CCR9: variants seen among roughly 807,000 people sequenced by gnomAD.
CCR9 encodes the protein C-C motif chemokine receptor 9, also known as C-C chemokine receptor type 9.
In CCR9, 4 loss-of-function variants were observed where a neutral mutation model predicts 8.7. The ratio of observed to expected loss-of-function variants is 0.46; its 90% CI spans 0.23 to 1.06. The LOEUF is 1.06. Ranked by LOEUF, CCR9 falls within the 50% of genes least tolerant of loss-of-function variation. CCR9 has a pLI of 0.21. For missense variants in CCR9, 394 were observed against 453.6 expected, an observed-to-expected ratio of 0.87 and a Z score of 1.19; for synonymous variants, 159 against 168.8, an observed-to-expected ratio of 0.94 and a Z score of 0.45.
At position 45,901,659 on chromosome 3, in the gene CCR9, G is replaced by A. The variant is rs201135152; in HGVS notation, c.871G>A (p.Val291Ile). 80 of 1,613,780 alleles carry A rather than the reference G, an allele frequency of 5.0e-5. No homozygotes were observed. The highest frequency in any genetic ancestry group is 1.9e-4 in the African/African-American group (14 of 74,914). Residue 291 changes from valine to isoleucine, a missense_variant, in exon 3 of 3, where the codon GTT becomes ATT. Val to Ile is a conservative substitution (Grantham distance 29). Transcript: ENST00000357632. The surrounding 1 kb of genome is among the most constrained non-coding windows in gnomAD (Gnocchi z 4.3). ...TGCCATGTTCATCTCCAACTGTGCC[G>A]TTTCCACCAACATTGACATCTGCTT... ...AYAMFISNCA[V>I]STNIDICFQV...
Position 45,890,345 on chromosome 3 carries a change from TATAAC to T in CCR9, c.-29+3694_-29+3698del, listed in dbSNP as rs1163853050. 2.7e-5 allele frequency among the ~76,000 whole-genome samples: 2 copies of T among 74,876 alleles called. 1 individual carries two copies. Among genetic ancestry groups the T allele is most frequent in the Non-Finnish European group, 4.2e-5 (2 of 47,916 alleles). 49.1% of individuals were successfully genotyped at this position (74,876 alleles called of 152,430 possible). A position where few individuals can be genotyped will look rare whatever the true frequency, so the allele number is the denominator to read the frequency against. ...TATAAATATATATATAACATATATA[TATAAC>T]ATATATATATATATAACATATATAA... On this transcript the variant is annotated intron_variant, in intron 1 of 2. Transcript: ENST00000357632.
At chr3:45,895,485 C>T (rs948786882) in intron 2 of CCR9, among the ~76,000 whole-genome samples, 3 of 152,110 alleles carry the variant, frequency 2.0e-5, no homozygotes, top group Admixed American at 6.5e-5. Context: ...CAGAGGCGGG[C>T]GGATCACCTG....
At chr3:45,892,516 A>G (rs1056292115) in intron 1 of CCR9, among the ~76,000 whole-genome samples, 1 of 152,158 alleles carries the variant, frequency 6.6e-6, no homozygotes, top group Non-Finnish European at 1.5e-5. Context: ...TGTTGAGTAC[A>G]TATGGACACA....
At chr3:45,897,084 G>A (rs1702379844) in intron 2 of CCR9, among the ~76,000 whole-genome samples, 1 of 152,186 alleles carries the variant, frequency 6.6e-6, no homozygotes, top group African/African-American at 2.4e-5. Context: ...CAGCCTGTGG[G>A]CTCAGAGGCT....
chr3:45,900,074 G>T lies in CCR9; in HGVS notation c.22-736G>T, dbSNP rs1486821867. Among the ~76,000 whole-genome samples, 2 of 152,234 alleles carry T rather than the reference G, an allele frequency of 1.3e-5. No individual in the cohort carries two copies. The highest frequency in any genetic ancestry group is 2.9e-5 in the Non-Finnish European group (2 of 68,036). On this transcript the variant is annotated intron_variant, in intron 2 of 2. Coordinates refer to ENST00000357632, the MANE Select transcript of CCR9 (RefSeq NM_031200.3). The surrounding 1 kb of genome is among the most constrained non-coding windows in gnomAD (Gnocchi z 4.7). ...CATGTACATATGAGTGTGTGTGCTT[G>T]TTGGGGCCAGCTTCATGGCTGTGCA...
intron 1 of CCR9, among the ~76,000 whole-genome samples, chr3:45,893,677 T>C (rs555182709): frequency 2.6e-4 from 40 of 152,346 alleles, no homozygotes; most frequent in Non-Finnish European, 5.3e-4. Context: ...ACAGTTAACT[T>C]ATCCATTTAC....
chr3:45,890,453 G>A (rs905588199), intron 1 of CCR9, among the ~76,000 whole-genome samples: 4 of 145,256 alleles, frequency 2.8e-5, no homozygotes, highest in African/African-American at 1.0e-4. Context: ...GCTGAGTTGA[G>A]GTCTTCCAAA....
intron 1 of CCR9, among the ~76,000 whole-genome samples, chr3:45,892,419 A>G (rs1702211986): frequency 6.6e-6 from 1 of 152,206 alleles, no homozygotes; most frequent in Non-Finnish European, 1.5e-5. Flanking sequence ...AGCAACATGG[A>G]TGGAACTGGA....
At chr3:45,898,759 C>A (rs954552318) in intron 2 of CCR9, among the ~76,000 whole-genome samples, 1 of 152,226 alleles carries the variant, frequency 6.6e-6, no homozygotes, top group Admixed American at 6.5e-5. Flanking sequence ...CCTCCACAAA[C>A]ACACACACAA....
intron 1 of CCR9, among the ~76,000 whole-genome samples, chr3:45,889,906 C>T (rs777621637): frequency 2.0e-5 from 3 of 151,310 alleles, no homozygotes; most frequent in Admixed American, 6.6e-5. Context: ...ATACCTGGAC[C>T]CTTGTGTTCT....
At chr3:45,898,438 A>G (rs1702439331) in intron 2 of CCR9, among the ~76,000 whole-genome samples, 1 of 152,252 alleles carries the variant, frequency 6.6e-6, no homozygotes, top group Non-Finnish European at 1.5e-5. Context: ...GGATTAATCA[A>G]GCCAAGGGAC....
rs201414744 is a variant in CCR9, at chr3:45,901,416, C to A, written c.628C>A (p.Leu210Met). 12 of 1,614,102 alleles carry A rather than the reference C, an allele frequency of 7.4e-6. No individual in the cohort carries two copies. The East Asian group carries it at 1.1e-4, about 15-fold the overall frequency. Residue 210 changes from leucine to methionine, a missense_variant, in exon 3 of 3, where the codon CTG becomes ATG. Transcript: ENST00000357632. The surrounding 1 kb of genome is among the most constrained non-coding windows in gnomAD (Gnocchi z 4.3). ...TTACCCTAGCGATGAGAGCACCAAACTGAAGTCAGCTGTCTTGACCCTGAA... is the reference window on the plus strand; with the variant it reads ...TTACCCTAGCGATGAGAGCACCAAAATGAAGTCAGCTGTCTTGACCCTGAA... ...MVYPSDESTKLKSAVLTLKVI... is the reference protein window; with the variant it reads ...MVYPSDESTKMKSAVLTLKVI...
chr3:45,892,119 T>G (rs759308159), intron 1 of CCR9, among the ~76,000 whole-genome samples: 1 of 152,184 alleles, frequency 6.6e-6, no homozygotes, highest in African/African-American at 2.4e-5. Flanking sequence ...AATTATGCTG[T>G]GTATCATTGC....
Position 45,901,775 on chromosome 3 carries a change from G to T in CCR9, c.987G>T (p.Val329=). Reference sequence around the variant, plus strand: ...GTGAGAGATTCCGCCGGGATCTCGTGAAAACCCTGAAGAACTTGGGTTGCA... The same window carrying T: ...GTGAGAGATTCCGCCGGGATCTCGTTAAAACCCTGAAGAACTTGGGTTGCA... ...FVGERFRRDL[V]KTLKNLGCIS... Residue 329 remains valine, a synonymous_variant, in exon 3 of 3, where the codon GTG becomes GTT. Coordinates refer to ENST00000357632, the MANE Select transcript of CCR9 (RefSeq NM_031200.3). The surrounding 1 kb of genome is among the most constrained non-coding windows in gnomAD (Gnocchi z 4.3). The T allele has an allele frequency of 6.2e-7, 1 of 1,614,162 alleles. No individual in the cohort carries two copies. The highest frequency in any genetic ancestry group is 1.1e-5 in the South Asian group (1 of 91,088).
At chr3:45,890,279 T>TATAA (rs1553616516) in intron 1 of CCR9, among the ~76,000 whole-genome samples, 3 of 75,786 alleles carry the variant, frequency 4.0e-5, no homozygotes, top group African/African-American at 6.0e-5. Flanking sequence ...AACATATATA[T>TATAA]ATATTTATAT....
chr3:45,890,317 T>TC (rs1314296937), intron 1 of CCR9, among the ~76,000 whole-genome samples: 1 of 61,368 alleles, frequency 1.6e-5, no homozygotes, highest in African/African-American at 9.2e-5. Context: ...ATATATATAT[T>TC]TATATAAATA....
Position 45,901,955 on chromosome 3 carries a change from T to C in CCR9, c.*57T>C. On this transcript the variant is annotated 3_prime_UTR_variant, in exon 3 of 3. Transcript: ENST00000357632. The surrounding 1 kb of genome is among the most constrained non-coding windows in gnomAD (Gnocchi z 4.3). ...GAAGAAATGAGAAATACAGAAACAGTTTCCCCACTGATGGGACCAGAGAGA... is the reference window on the plus strand; with the variant it reads ...GAAGAAATGAGAAATACAGAAACAGCTTCCCCACTGATGGGACCAGAGAGA... 3 of 1,405,758 alleles carry C rather than the reference T, an allele frequency of 2.1e-6. No homozygotes were observed. The highest frequency in any genetic ancestry group is 2.9e-6 in the Non-Finnish European group (3 of 1,032,186). The allele number at this position is 1,405,758 out of a possible 1,614,324, so 87.1% of individuals were successfully genotyped here. A position where few individuals can be genotyped will look rare whatever the true frequency, so the allele number is the denominator to read the frequency against.
chr3:45,897,583 A>G (rs1702397907), intron 2 of CCR9: 1 of 1,535,594 alleles, frequency 6.5e-7, no homozygotes, highest in African/African-American at 1.4e-5. Context: ...CCCGCTCCAG[A>G]TCACCTTCCC....
chr3:45,896,845 A>C (rs1398193451), intron 2 of CCR9, among the ~76,000 whole-genome samples: 2 of 152,194 alleles, frequency 1.3e-5, no homozygotes, highest in Non-Finnish European at 2.9e-5. Context: ...GGCACAATGG[A>C]AGCCTTGGCA....
Sources: gnomAD v4.1 joint callset for allele counts (sites outside exome capture counted in the v4.1 genomes callset) on GRCh38, gnomAD v4.1.1 for gene constraint, Gnocchi (gnomAD v3.1) non-coding constraint, MANE v1.5 for transcripts, NCBI Gene and HGNC (gene_info 2026-07-23, HGNC 2026-07-21) for gene names.